The following PPFIA2 variants were observed in gnomAD, a reference collection of about 807,000 sequenced individuals.
PPFIA2 encodes the protein PPFI scaffold protein A2.
PPFIA2 carries 46 observed loss-of-function variants against 175.5 expected under a neutral mutation model. The observed-to-expected ratio is 0.26, with a 90% CI of 0.21 to 0.34. The LOEUF is 0.34. Among genes scored for constraint, PPFIA2 ranks in the 10% least tolerant of loss-of-function variants. PPFIA2 has a pLI of 1.00. For synonymous variants in PPFIA2, 568 were observed against 511.4 expected (o/e 1.11, Z -1.49); for missense variants, 1,179 against 1,506.1 (o/e 0.78, Z 3.60).
chr12:81,567,539 G>A (rs1372987682), intron 4 of PPFIA2, among the ~76,000 whole-genome samples: 2 of 152,114 alleles, frequency 1.3e-5, no homozygotes, highest in Non-Finnish European at 1.5e-5. Context: ...CTAAACTCCT[G>A]ACTCCAGTGA....
At chr12:81,277,720 A>G (rs1310032856) in intron 27 of PPFIA2, among the ~76,000 whole-genome samples, 1 of 152,200 alleles carries the variant, frequency 6.6e-6, no homozygotes, top group Non-Finnish European at 1.5e-5. Context: ...CATTAGGTGC[A>G]GGCAAATTAA....
intron 8 of PPFIA2, among the ~76,000 whole-genome samples, chr12:81,389,061 C>A (rs1484234834): frequency 6.6e-6 from 1 of 151,024 alleles, no homozygotes; most frequent in East Asian, 1.9e-4. Flanking sequence ...AGCCGCTGAA[C>A]ATGTGTTCTT....
chr12:81,448,169 A>G, intron 5 of PPFIA2, among the ~76,000 whole-genome samples: 1 of 152,226 alleles, frequency 6.6e-6, no homozygotes. Flanking sequence ...ATCTGTTATT[A>G]GAGACTACCT....
At position 81,344,610 on chromosome 12, in the gene PPFIA2, T is replaced by C. The variant is rs2058716655; in HGVS notation, c.2262+54A>G. The C allele has an allele frequency of 7.0e-6, 9 of 1,281,178 alleles. No individual in the cohort carries two copies. The South Asian group carries it at 1.2e-4, about 17-fold the overall frequency. The allele number at this position is 1,281,178 out of a possible 1,614,324, so 79.4% of individuals were successfully genotyped here. On this transcript the variant is annotated intron_variant, in intron 19 of 32. Coordinates refer to ENST00000549396, the MANE Select transcript of PPFIA2 (RefSeq NM_003625.5). Reference sequence around the variant, plus strand: ...TAGAGGGAATATTATTTTAAAGCTTTCATAGAATAAAACAGTATTCAATTC... The same window carrying C: ...TAGAGGGAATATTATTTTAAAGCTTCCATAGAATAAAACAGTATTCAATTC...
At chr12:81,556,922 T>G (rs774650524) in intron 4 of PPFIA2, among the ~76,000 whole-genome samples, 1 of 151,990 alleles carries the variant, frequency 6.6e-6, no homozygotes, top group Admixed American at 6.6e-5. Flanking sequence ...AAATTAATTT[T>G]TATTTCAATA....
chr12:81,557,864 T>C (rs2069172464), intron 4 of PPFIA2, among the ~76,000 whole-genome samples: 2 of 152,042 alleles, frequency 1.3e-5, no homozygotes, highest in Non-Finnish European at 2.9e-5. Context: ...TATGCTAAAA[T>C]ATAATTACAA....
At chr12:81,364,361 G>A (rs920413372) in intron 14 of PPFIA2, among the ~76,000 whole-genome samples, 10 of 151,622 alleles carry the variant, frequency 6.6e-5, no homozygotes, top group South Asian at 6.2e-4. Flanking sequence ...AACAATTGAA[G>A]GATTTTAAAA....
At chr12:81,530,413 T>TA (rs1156749614) in intron 4 of PPFIA2, among the ~76,000 whole-genome samples, 1 of 151,960 alleles carries the variant, frequency 6.6e-6, no homozygotes, top group Non-Finnish European at 1.5e-5. Context: ...TACTCTCTCC[T>TA]AAGAGCCAAA....
chr12:81,534,417 T>C (rs553608734), intron 4 of PPFIA2, among the ~76,000 whole-genome samples: 2 of 151,822 alleles, frequency 1.3e-5, no homozygotes, highest in African/African-American at 4.8e-5. Flanking sequence ...TATTACATGT[T>C]CTATGCATGT....
chr12:81,525,152 C>A (rs2063589241), intron 4 of PPFIA2, among the ~76,000 whole-genome samples: 1 of 152,108 alleles, frequency 6.6e-6, no homozygotes, highest in Admixed American at 6.5e-5. Context: ...TAATTCTCTA[C>A]CCCTTTAGAT....
chr12:81,588,176 ATGGGGT>A (rs200852994), intron 4 of PPFIA2, among the ~76,000 whole-genome samples: 8,417 of 152,038 alleles, frequency 0.055, 340 homozygotes, highest in East Asian at 0.22. Flanking sequence ...ATAGTCCAGG[ATGGGGT>A]TGAATGGGAA....
chr12:81,570,588 T>A (rs182049500), intron 4 of PPFIA2, among the ~76,000 whole-genome samples: 3 of 152,154 alleles, frequency 2.0e-5, no homozygotes, highest in African/African-American at 7.2e-5. Context: ...GGGTCTTTTA[T>A]GCAATCTTGG....
At chr12:81,451,464 G>C (rs959115925) in intron 5 of PPFIA2, among the ~76,000 whole-genome samples, 14 of 152,092 alleles carry the variant, frequency 9.2e-5, no homozygotes, top group African/African-American at 3.4e-4. Flanking sequence ...GTGTTTCTGG[G>C]ACTGGGCTTG....
intron 4 of PPFIA2, among the ~76,000 whole-genome samples, chr12:81,576,451 T>G (rs959972509): frequency 6.6e-6 from 1 of 151,780 alleles, no homozygotes; most frequent in Admixed American, 6.6e-5. Flanking sequence ...CATATGTGAT[T>G]GAACTTAATC....
chr12:81,754,135 G>C lies in PPFIA2; in HGVS notation c.87C>G (p.Ser29=), dbSNP rs750674780. 3 of 1,613,550 alleles carry C rather than the reference G, an allele frequency of 1.9e-6. No individual in the cohort carries two copies. Among genetic ancestry groups the C allele is most frequent in the East Asian group, 4.5e-5 (2 of 44,864 alleles). Reference sequence around the variant, plus strand: ...TATTCACCATCAGCTGCTCAAAATGGGAGTCTGAGTCCGAGCCACTGCTTT... The same window carrying C: ...TATTCACCATCAGCTGCTCAAAATGCGAGTCTGAGTCCGAGCCACTGCTTT... ...GSQSSGSDSD[S]HFEQLMVNML... The change falls in exon 3 of 33, where the codon TCC becomes TCG. Residue 29 remains serine, a synonymous_variant. Transcript: ENST00000549396.
chr12:81,591,714 G>A (rs2058694483), intron 4 of PPFIA2, among the ~76,000 whole-genome samples: 1 of 152,166 alleles, frequency 6.6e-6, no homozygotes, highest in South Asian at 2.1e-4. Flanking sequence ...TTGAGCCTGT[G>A]GGTGCACAGA....
intron 21 of PPFIA2, among the ~76,000 whole-genome samples, chr12:81,326,249 T>A (rs1387464027): frequency 6.6e-6 from 1 of 152,086 alleles, no homozygotes; most frequent in South Asian, 2.1e-4. Context: ...TTTCAACACG[T>A]TAAGTATTTG....
chr12:81,389,125 T>TTATATATATATATATATATACACA (rs2039603948), intron 8 of PPFIA2, among the ~76,000 whole-genome samples: 1 of 144,942 alleles, frequency 6.9e-6, no homozygotes, highest in African/African-American at 2.5e-5. Context: ...ATTCAATATT[T>TTATATATATATATATATATACACA]TATATATATA....
intron 16 of PPFIA2, among the ~76,000 whole-genome samples, chr12:81,355,482 T>A (rs1566396018): frequency 6.6e-6 from 1 of 152,146 alleles, no homozygotes; most frequent in Non-Finnish European, 1.5e-5. Flanking sequence ...GTCCTCTGAG[T>A]CTTTGAAGCC....
Sources: gnomAD v4.1 joint callset for allele counts (sites outside exome capture counted in the v4.1 genomes callset) on GRCh38, gnomAD v4.1.1 for gene constraint, MANE v1.5 for transcripts, NCBI Gene and HGNC (gene_info 2026-07-23, HGNC 2026-07-21) for gene names.